BSDC1: variants seen among roughly 807,000 people sequenced by gnomAD.
BSDC1 encodes BSD domain containing 1, also known as BSD domain-containing protein 1.
In BSDC1, 29 loss-of-function variants were observed where a neutral mutation model predicts 56.0. The observed-to-expected ratio is 0.52, with a 90% confidence interval of 0.39 to 0.71. The LOEUF (loss-of-function observed/expected upper bound fraction) is 0.71. BSDC1 is among the 30% of genes least tolerant of loss of function. BSDC1 has a pLI of 0.00. For missense variants in BSDC1, 477 were observed against 548.5 expected (o/e 0.87, Z 1.30); for synonymous variants, 210 against 215.3 (o/e 0.98, Z 0.21).
At chr1:32,367,294 C>T (rs893401004) in intron 10 of BSDC1, 5 of 985,316 alleles carry the variant, frequency 5.1e-6, no homozygotes, top group Admixed American at 6.1e-5. Context: ...AGAATGCTCA[C>T]GTGTACTGCA....
intron 9 of BSDC1, among the ~76,000 whole-genome samples, chr1:32,370,696 C>T (rs1170525185): frequency 1.3e-5 from 2 of 148,916 alleles, no homozygotes; most frequent in Non-Finnish European, 3.0e-5. Flanking sequence ...CCCAGCTACT[C>T]GGGAGGCTGA....
chr1:32,391,117 T>G (rs1344125964), intron 2 of BSDC1, among the ~76,000 whole-genome samples: 1 of 151,816 alleles, frequency 6.6e-6, no homozygotes. Context: ...TGGAGAAGTA[T>G]GTGGAGACTT....
intron 9 of BSDC1, among the ~76,000 whole-genome samples, chr1:32,376,012 G>C (rs1642266530): frequency 6.6e-6 from 1 of 152,178 alleles, no homozygotes; most frequent in African/African-American, 2.4e-5. Context: ...TTTAGCATGG[G>C]ATCTGGCATC....
intron 4 of BSDC1, 67 bp from the exon 5 acceptor site, chr1:32,381,335 T>G: frequency 6.8e-7 from 1 of 1,477,436 alleles, no homozygotes; most frequent in East Asian, 2.3e-5. Flanking sequence ...ACCCTTTCTC[T>G]GCCAGGATAC....
chr1:32,384,232 T>C (rs779300975), intron 3 of BSDC1, among the ~76,000 whole-genome samples: 20 of 142,000 alleles, frequency 1.4e-4, no homozygotes, highest in South Asian at 4.6e-4. Flanking sequence ...AGATCTTTGA[T>C]TGGCTGTTTC....
intron 4 of BSDC1, among the ~76,000 whole-genome samples, chr1:32,382,887 A>T (rs543887423): frequency 6.7e-6 from 1 of 149,318 alleles, no homozygotes; most frequent in Non-Finnish European, 1.5e-5. Context: ...AAAAAAAAAA[A>T]AAGAAGAAGA....
intron 9 of BSDC1, among the ~76,000 whole-genome samples, chr1:32,375,054 A>G (rs1387642621): frequency 6.6e-6 from 1 of 152,134 alleles, no homozygotes; most frequent in Non-Finnish European, 1.5e-5. Flanking sequence ...CGGGAGGCTG[A>G]GGCAGGAGAA....
rs548966731 is a variant in BSDC1, at chr1:32,378,364, C to T, written c.529-81G>A. Reference sequence around the variant, plus strand: ...GTCCCCAGCCTTATCAGTCTATTCCCAGCCAGTCTGGATTTCAGACCCAGT... The same window carrying T: ...GTCCCCAGCCTTATCAGTCTATTCCTAGCCAGTCTGGATTTCAGACCCAGT... On this transcript the variant is annotated intron_variant, in intron 6 of 10. Transcript: ENST00000455895. This position sits in a 1 kb window ranked among gnomAD's most constrained non-coding sequence, Gnocchi z 5.2. The T allele has an allele frequency of 3.4e-4, 483 of 1,403,552 alleles. 5 individuals are homozygous for T. The South Asian group carries it at 5.5e-3, about 16-fold the overall frequency. The allele number at this position is 1,403,552 out of a possible 1,614,324, so 86.9% of individuals were successfully genotyped here.
chr1:32,367,832 T>A, intron 10 of BSDC1: 1 of 956,450 alleles, frequency 1.0e-6, no homozygotes, highest in Non-Finnish European at 1.3e-6. Flanking sequence ...ATGGATCACC[T>A]CATTACAGCT....
chr1:32,383,760 A>G, intron 4 of BSDC1, 70 bp downstream of exon 4: 1 of 1,461,050 alleles, frequency 6.8e-7, no homozygotes, highest in Non-Finnish European at 9.5e-7. Context: ...TGCTTTTGTG[A>G]GTACAGGATG....
At chr1:32,385,618 T>C (rs539309053) in intron 3 of BSDC1, among the ~76,000 whole-genome samples, 1 of 151,850 alleles carries the variant, frequency 6.6e-6, no homozygotes, top group Non-Finnish European at 1.5e-5. Flanking sequence ...TCCCAGCTAT[T>C]TGGGAGGCTG....
intron 9 of BSDC1, among the ~76,000 whole-genome samples, chr1:32,371,455 C>T (rs1328013504): frequency 6.6e-6 from 1 of 151,690 alleles, no homozygotes; most frequent in Non-Finnish European, 1.5e-5. Context: ...GGACTACAGG[C>T]GCCCGCCACC....
At chr1:32,387,766 T>G (rs1642724878) in intron 2 of BSDC1, among the ~76,000 whole-genome samples, 1 of 152,236 alleles carries the variant, frequency 6.6e-6, no homozygotes, top group African/African-American at 2.4e-5. Flanking sequence ...TAGTAATTAC[T>G]AATTGTATTA....
intron 5 of BSDC1, among the ~76,000 whole-genome samples, chr1:32,380,896 GT>G (rs1642458257): frequency 1.3e-5 from 2 of 152,180 alleles, no homozygotes; most frequent in South Asian, 4.1e-4. Context: ...CCATAATGGG[GT>G]TTGCTGCATG....
At chr1:32,388,482 C>G (rs1279424546) in intron 2 of BSDC1, among the ~76,000 whole-genome samples, 2 of 152,200 alleles carry the variant, frequency 1.3e-5, no homozygotes, top group African/African-American at 2.4e-5. Context: ...ATTCTTTCAC[C>G]TGGATTCCTC....
In BSDC1 at chr1:32,378,945, G is replaced by A. The variant is rs1186704895; in HGVS notation, c.413-106C>T. Reference sequence around the variant, plus strand: ...GACATGGAAAATGAAGAAAGCTTGTGTATTCAAAGCCACTTAGCCAAGGGT... The same window carrying A: ...GACATGGAAAATGAAGAAAGCTTGTATATTCAAAGCCACTTAGCCAAGGGT... On this transcript the variant is annotated intron_variant, in intron 5 of 10. Coordinates refer to ENST00000455895, the MANE Select transcript of BSDC1 (RefSeq NM_018045.8). The surrounding 1 kb of genome is among the most constrained non-coding windows in gnomAD (Gnocchi z 5.2). 10 of 803,570 alleles carry A rather than the reference G, an allele frequency of 1.2e-5. No homozygotes were observed. The highest frequency in any genetic ancestry group is 2.5e-4 in the Middle Eastern group (1 of 4,004). 49.8% of individuals were successfully genotyped at this position (803,570 alleles called of 1,614,324 possible).
chr1:32,369,929 A>G (rs181149371), intron 9 of BSDC1, among the ~76,000 whole-genome samples: 1 of 152,082 alleles, frequency 6.6e-6, no homozygotes, highest in African/African-American at 2.4e-5. Flanking sequence ...AGTAGCTGGG[A>G]TTACAGGCAC....
intron 2 of BSDC1, among the ~76,000 whole-genome samples, chr1:32,389,195 T>C (rs548379737): frequency 7.5e-4 from 114 of 152,164 alleles, no homozygotes; most frequent in Admixed American, 2.7e-3. Flanking sequence ...ACCTCATGAT[T>C]CGCCCACCTT....
chr1:32,394,380 C>G, intron 1 of BSDC1, 24 bp downstream of exon 1: 1 of 1,614,202 alleles, frequency 6.2e-7, no homozygotes, highest in South Asian at 1.1e-5. Context: ...GCCCCAACGC[C>G]TAGGAGCAAA....
Sources: allele counts gnomAD v4.1 joint callset (sites outside exome capture counted in the v4.1 genomes callset), GRCh38; gene constraint gnomAD v4.1.1; non-coding constraint Gnocchi (gnomAD v3.1); transcripts MANE v1.5; gene names NCBI Gene and HGNC (gene_info 2026-07-23, HGNC 2026-07-21).